Variants in APC observed in about 807,000 individuals in gnomAD.
APC encodes adenomatous polyposis coli protein.
In APC, 72 loss-of-function variants were observed where a neutral mutation model predicts 247.0. The observed-to-expected ratio is 0.29, with a 90% CI of 0.24 to 0.35. The LOEUF is 0.35. Among genes scored for constraint, APC ranks in the 10% least tolerant of loss-of-function variants. The probability of loss-of-function intolerance (pLI) is 1.00; values close to 1 mark genes in which losing one functional copy is unlikely to be tolerated. For missense variants in APC, 3,400 were observed against 3,360.7 expected, an observed-to-expected ratio of 1.01 and a Z score of -0.29; for synonymous variants, 1,254 against 1,162.5, an observed-to-expected ratio of 1.08 and a Z score of -1.60.
intron 14 of APC, among the ~76,000 whole-genome samples, chr5:112,832,587 T>G (rs1764410200): frequency 6.6e-6 from 1 of 152,224 alleles, no homozygotes; most frequent in African/African-American, 2.4e-5. Flanking sequence ...TTTCCACTGT[T>G]CCCCATCATG....
chr5:112,738,028 T>C, intron 1 of APC, 103 bp downstream of exon 1: 1 of 762,418 alleles, frequency 1.3e-6, no homozygotes, highest in Non-Finnish European at 1.6e-6. Flanking sequence ...TGGCACAGGG[T>C]CCACTGCAGC....
intron 5 of APC, among the ~76,000 whole-genome samples, chr5:112,776,319 C>T (rs1163830576): frequency 1.3e-5 from 2 of 152,122 alleles, no homozygotes; most frequent in Non-Finnish European, 2.9e-5. Flanking sequence ...ACCAGTAAAA[C>T]ATATACTGAA....
rs368494354 is a variant in APC at position 112,821,887 on chromosome 5, A to G, written c.1313-9A>G. On this transcript the variant is annotated splice_polypyrimidine_tract_variant and intron_variant, in intron 10 of 15. Transcript: ENST00000257430. Reference sequence around the variant, plus strand: ...AAGCATTATGGTTTATGTTGATTTTATTTTTCAGTGCCAGCTCCTGTTGAA... The same window carrying G: ...AAGCATTATGGTTTATGTTGATTTTGTTTTTCAGTGCCAGCTCCTGTTGAA... 4.7e-5 allele frequency: 76 copies of G among 1,606,746 alleles called. No homozygotes were observed. Among genetic ancestry groups the G allele is most frequent in the Non-Finnish European group, 6.2e-5 (73 of 1,174,148 alleles).
At position 112,719,683 on chromosome 5, in the gene APC, C is replaced by T. The variant is rs571136950; in HGVS notation, c.165+11801C>T. Among the ~76,000 whole-genome samples the T allele has an allele frequency of 1.7e-4, 26 of 152,064 alleles. 1 individual carries two copies. In the South Asian group the frequency reaches 5.4e-3, roughly 32 times the overall value. ...GTGAGTAGCTGGAATGACAGGTGCG[C>T]ACCATCACACCCGGCTAATTTTTGT... On this transcript the variant is annotated intron_variant, in intron 1 of 13. Coordinates refer to the APC transcript ENST00000507379.
intron 8 of APC, 100 bp from the exon 9 acceptor site, chr5:112,815,395 G>GT: frequency 2.4e-6 from 2 of 826,374 alleles, no homozygotes; most frequent in Non-Finnish European, 4.1e-6. Flanking sequence ...GTATTTAATT[G>GT]TTTATCATAC....
intron 1 of APC, among the ~76,000 whole-genome samples, chr5:112,714,772 A>G (rs1240379591): frequency 6.6e-6 from 1 of 152,140 alleles, no homozygotes; most frequent in Non-Finnish European, 1.5e-5. Context: ...CAGCTTTACA[A>G]TCTATATATC....
chr5:112,815,612 C>A lies in APC; in HGVS notation c.933+19C>A, dbSNP rs778599778. ...AACCAAGGTAACAGAAGATTACAAA[C>A]CCTGGTCACTAATGCCATGACTACT... On this transcript the variant is annotated intron_variant, in intron 9 of 15. Transcript: ENST00000257430. The A allele has an allele frequency of 2.9e-5, 46 of 1,586,382 alleles. No homozygotes were observed. The South Asian group carries it at 4.6e-4, about 16-fold the overall frequency.
intron 1 of APC, among the ~76,000 whole-genome samples, chr5:112,743,901 T>C (rs960211054): frequency 6.6e-6 from 1 of 152,176 alleles, no homozygotes; most frequent in African/African-American, 2.4e-5. Context: ...TTGGTTTTTT[T>C]CCCTCTGTTG....
chr5:112,762,886 C>T (rs1045685938), intron 2 of APC, among the ~76,000 whole-genome samples: 1 of 152,136 alleles, frequency 6.6e-6, no homozygotes, highest in African/African-American at 2.4e-5. Context: ...ATAAACTGTT[C>T]ACAGCAAACT....
At chr5:112,785,569 G>C (rs1580397984) in intron 6 of APC, among the ~76,000 whole-genome samples, 1 of 152,088 alleles carries the variant, frequency 6.6e-6, no homozygotes, top group South Asian at 2.1e-4. Flanking sequence ...CATAATTGAA[G>C]ATTTACCTTA....
chr5:112,734,855 A>G (rs1403929181), upstream of APC, among the ~76,000 whole-genome samples: 1 of 145,628 alleles, frequency 6.9e-6, no homozygotes, highest in Non-Finnish European at 1.5e-5. Flanking sequence ...CAGTGGTGTG[A>G]TCTCGGCTCA....
chr5:112,779,170 A>G (rs1456675477), intron 5 of APC, among the ~76,000 whole-genome samples: 1 of 152,224 alleles, frequency 6.6e-6, no homozygotes, highest in African/African-American at 2.4e-5. Context: ...ACAGATAATG[A>G]GAGAACAGTT....
At chr5:112,722,477 C>T (rs1440647360) in intron 1 of APC, among the ~76,000 whole-genome samples, 3 of 152,098 alleles carry the variant, frequency 2.0e-5, no homozygotes, top group African/African-American at 7.2e-5. Flanking sequence ...GTTGGGTGTC[C>T]TCCAATTCAT....
chr5:112,747,143 A>G (rs982617599), intron 1 of APC, among the ~76,000 whole-genome samples: 3 of 152,100 alleles, frequency 2.0e-5, no homozygotes, highest in African/African-American at 7.2e-5. Flanking sequence ...GCAGTATTCG[A>G]TGTGGGGTGG....
At position 112,846,136 on chromosome 5, in the gene APC, T is replaced by C. The variant is rs1025532306; in HGVS notation, c.*2010T>C. ...ACACTTCAATTTACTATCTTTGAAA[T>C]GATTGACCTTTAAATTTTTGCCAAA... is the stretch of plus-strand genomic sequence containing the variant. On this transcript the variant is annotated 3_prime_UTR_variant, in exon 16 of 16. Transcript: ENST00000257430. 2 of 232,338 alleles carry C rather than the reference T, an allele frequency of 8.6e-6. No homozygotes were observed. The highest frequency in any genetic ancestry group is 1.2e-4 in the East Asian group (2 of 16,420). 14.4% of individuals were successfully genotyped at this position (232,338 alleles called of 1,614,324 possible).
intron 8 of APC, among the ~76,000 whole-genome samples, chr5:112,808,417 GTTGT>G (rs1438480962): frequency 1.3e-5 from 2 of 152,064 alleles, no homozygotes; most frequent in Non-Finnish European, 2.9e-5. Flanking sequence ...AAGAACTAAA[GTTGT>G]TTTTCTTTTT....
chr5:112,772,860 G>C (rs952984495), intron 4 of APC, among the ~76,000 whole-genome samples: 13 of 152,168 alleles, frequency 8.5e-5, no homozygotes. Flanking sequence ...AGTAATGGAG[G>C]AAATAGTAGC....
At chr5:112,768,846 G>A (rs1028637114) in intron 4 of APC, among the ~76,000 whole-genome samples, 2 of 151,158 alleles carry the variant, frequency 1.3e-5, no homozygotes, top group African/African-American at 4.9e-5. Flanking sequence ...CTGTACAGTA[G>A]CGTAGAACAC....
chr5:112,802,423 A>G (rs1024902201), intron 8 of APC, among the ~76,000 whole-genome samples: 3 of 152,100 alleles, frequency 2.0e-5, no homozygotes, highest in Non-Finnish European at 2.9e-5. Flanking sequence ...TGCAACATTT[A>G]TATATTCCTA....
Sources: gnomAD v4.1 joint callset for allele counts (sites outside exome capture counted in the v4.1 genomes callset) on GRCh38, gnomAD v4.1.1 for gene constraint, MANE v1.5 for transcripts, NCBI Gene and HGNC (gene_info 2026-07-23, HGNC 2026-07-21) for gene names.